The following GUCA1A variants were observed in gnomAD, a reference collection of about 807,000 sequenced individuals.
The protein encoded by GUCA1A is guanylyl cyclase-activating protein 1.
Under a neutral mutation model 18.5 loss-of-function variants are expected in GUCA1A, and 14 were observed. The ratio of observed to expected loss-of-function variants is 0.76; its 90% CI spans 0.50 to 1.18. The LOEUF is 1.18. Ranked by LOEUF, GUCA1A falls within the 50% of genes most tolerant of loss-of-function variation. The pLI, the probability that GUCA1A is intolerant of heterozygous loss-of-function variation, is 0.00. For missense variants in GUCA1A, 264 were observed against 262.4 expected (o/e 1.01, Z -0.04); for synonymous variants, 97 against 100.2 (o/e 0.97, Z 0.19).
chr6:42,176,255 A>G (rs556787049), intron 1 of GUCA1A, among the ~76,000 whole-genome samples: 1 of 152,324 alleles, frequency 6.6e-6, no homozygotes, highest in East Asian at 1.9e-4. Flanking sequence ...GCAAATATTA[A>G]AATGAAGAGT....
Position 42,174,221 on chromosome 6 carries a change from G to A in GUCA1A, c.201+407G>A, listed in dbSNP as rs1164806912. On this transcript the variant is annotated intron_variant, in intron 1 of 3. Coordinates refer to ENST00000372958, the MANE Select transcript of GUCA1A (RefSeq NM_001384910.1). ...TCCAAGATGGTCATTGAACACCTGC[G>A]ATGTGCTGGTCCTATACGTGGTGCT... Among the ~76,000 whole-genome samples, 4 of 152,318 alleles carry A rather than the reference G, an allele frequency of 2.6e-5. No individual in the cohort carries two copies. In the East Asian group the frequency reaches 7.7e-4, roughly 29 times the overall value.
chr6:42,175,854 G>T (rs1049599468), intron 1 of GUCA1A, among the ~76,000 whole-genome samples: 2 of 152,002 alleles, frequency 1.3e-5, no homozygotes, highest in Admixed American at 6.6e-5. Context: ...AATTCTGCTC[G>T]GCTTACACCT....
At position 42,178,907 on chromosome 6, in the gene GUCA1A, G is replaced by T; in HGVS notation, c.445+12G>T. 6.3e-7 allele frequency: 1 copy of T among 1,588,708 alleles called. No individual in the cohort carries two copies. Among genetic ancestry groups the T allele is most frequent in the Non-Finnish European group, 8.6e-7 (1 of 1,156,740 alleles). ...CGTCAACGGGGATGGTGAGGGGGCC[G>T]AGGAGGGGCTCCCCAGCGGAGGGGT... On this transcript the variant is annotated intron_variant, in intron 3 of 3. Transcript: ENST00000372958.
At chr6:42,174,976 C>T (rs913594423) in intron 1 of GUCA1A, among the ~76,000 whole-genome samples, 1 of 152,190 alleles carries the variant, frequency 6.6e-6, no homozygotes, top group African/African-American at 2.4e-5. Context: ...GGATAAGGGA[C>T]CAAAGTAGAT....
At position 42,176,127 on chromosome 6, in the gene GUCA1A, AG is replaced by A. The variant is rs143643904; in HGVS notation, c.202-2152del. Reference sequence around the variant, plus strand: ...GTTCACTGTTGAATCCCTGGTTCCTAGAACAGTGCCTGGATTGTGGCAGGTG... The same window carrying A: ...GTTCACTGTTGAATCCCTGGTTCCTAAACAGTGCCTGGATTGTGGCAGGTG... On this transcript the variant is annotated intron_variant, in intron 1 of 3. Transcript: ENST00000372958. Among the ~76,000 whole-genome samples the A allele has an allele frequency of 2.9e-3, 435 of 152,334 alleles. 3 individuals are homozygous for A. The highest frequency in any genetic ancestry group is 0.01 in the African/African-American group (422 of 41,572).
intron 2 of GUCA1A, 24 bp downstream of exon 2, chr6:42,178,453 G>C (rs201360179): frequency 1.2e-6 from 2 of 1,606,352 alleles, no homozygotes; most frequent in South Asian, 2.2e-5. Context: ...GGCCAGGGCT[G>C]GGGGCAGCGG....
Position 42,173,701 on chromosome 6 carries a change from C to T in GUCA1A, c.88C>T (p.Pro30Ser), listed in dbSNP as rs761679697. 1 of 1,613,582 alleles carries T rather than the reference C, an allele frequency of 6.2e-7. No individual in the cohort carries two copies. The highest frequency in any genetic ancestry group is 1.1e-5 in the South Asian group (1 of 91,068). The change falls in exon 1 of 4, where the codon CCC becomes TCC. Residue 30 changes from proline to serine, a missense_variant. Physicochemically the swap from Pro to Ser is moderately conservative, Grantham distance 74 (BLOSUM62 -1). Transcript: ENST00000372958. ...QWYKKFMTEC[P>S]SGQLTLYEFR... Reference sequence around the variant, plus strand: ...GTACAAGAAGTTCATGACTGAGTGCCCCTCTGGCCAACTCACCCTCTATGA... The same window carrying T: ...GTACAAGAAGTTCATGACTGAGTGCTCCTCTGGCCAACTCACCCTCTATGA...
At chr6:42,178,920 C>G (rs1467855457) in intron 3 of GUCA1A, 25 bp downstream of exon 3, 1 of 1,537,912 alleles carries the variant, frequency 6.5e-7, no homozygotes. Context: ...GAGGGGCTCC[C>G]CAGCGGAGGG....
At position 42,179,439 on chromosome 6, in the gene GUCA1A, G is replaced by C; in HGVS notation, c.*36G>C. On this transcript the variant is annotated 3_prime_UTR_variant, in exon 4 of 4. Transcript: ENST00000372958. The stretch of plus-strand genomic sequence containing the variant: ...CGGCTGCTTCTGCACTAGCGGGTGG[G>C]GTGGTATGGTGGTGCCTGTTGGTGG... 1 of 1,494,818 alleles carries C rather than the reference G, an allele frequency of 6.7e-7. No individual in the cohort carries two copies. The highest frequency in any genetic ancestry group is 1.3e-5 in the South Asian group (1 of 78,340). 92.6% of individuals were successfully genotyped at this position (1,494,818 alleles called of 1,614,324 possible).
intron 3 of GUCA1A, 70 bp downstream of exon 3, chr6:42,178,965 G>A (rs1430676230): frequency 8.4e-7 from 1 of 1,194,618 alleles, no homozygotes; most frequent in African/African-American, 1.5e-5. Context: ...GGGGTGGAAG[G>A]TCACTAAAGG....
At chr6:42,179,098 T>A in intron 3 of GUCA1A, 145 bp from the exon 4 acceptor site, 1 of 909,114 alleles carries the variant, frequency 1.1e-6, no homozygotes, top group South Asian at 1.4e-5. Context: ...GGCTCTGGGT[T>A]CCTCTGCTTG....
chr6:42,173,734 C>T lies in GUCA1A; in HGVS notation c.121C>T (p.Gln41Ter), dbSNP rs1318921958. 2 of 1,614,138 alleles carry T rather than the reference C, an allele frequency of 1.2e-6. No homozygotes were observed. The highest frequency in any genetic ancestry group is 1.3e-5 in the African/African-American group (1 of 75,056). ...SGQLTLYEFR[Q>*]FFGLKNLSPS... ...CCAACTCACCCTCTATGAGTTCCGC[C>T]AGTTCTTCGGCCTCAAGAACCTGAG... Residue 41 changes from glutamine (Q) to a stop codon, truncating the protein, a stop_gained, in exon 1 of 4, where the codon CAG becomes TAG. Coordinates refer to ENST00000372958, the MANE Select transcript of GUCA1A (RefSeq NM_001384910.1). LOFTEE classifies it high-confidence loss of function.
In GUCA1A at chr6:42,173,450, C is replaced by T; in HGVS notation, c.-164C>T. ...CTTCCTTCTGCTCTCTCCCTCTCCA[C>T]ATTTCCCGGTACCATCTGATCCATC... On this transcript the variant is annotated 5_prime_UTR_variant, in exon 1 of 4. Coordinates refer to ENST00000372958, the MANE Select transcript of GUCA1A (RefSeq NM_001384910.1). The T allele has an allele frequency of 1.5e-6, 1 of 670,804 alleles. No homozygotes were observed. The highest frequency in any genetic ancestry group is 2.7e-6 in the Non-Finnish European group (1 of 369,598). 41.6% of individuals were successfully genotyped at this position (670,804 alleles called of 1,614,324 possible). A position where few individuals can be genotyped will look rare whatever the true frequency, so the allele number is the denominator to read the frequency against.
rs774100447 is a variant in GUCA1A, at chr6:42,178,413, T to A, written c.335T>A (p.Leu112Gln). 1.9e-6 allele frequency: 3 copies of A among 1,614,006 alleles called. No homozygotes were observed. The highest frequency in any genetic ancestry group is 1.7e-5 in the Admixed American group (1 of 60,020). The change falls in exon 2 of 4, where the codon CTG (leucine) becomes CAG (glutamine). Residue 112 changes from leucine to glutamine, a missense_variant. Transcript: ENST00000372958. ...DGNGCIDRDELLTIIQAIRAI... is the reference protein window; with the variant it reads ...DGNGCIDRDEQLTIIQAIRAI... Reference sequence around the variant, plus strand: ...AACGGCTGCATTGACCGCGATGAGCTGCTCACCATCATCCAGGTGCAGAGG... The same window carrying A: ...AACGGCTGCATTGACCGCGATGAGCAGCTCACCATCATCCAGGTGCAGAGG...
chr6:42,178,713 A>T, intron 2 of GUCA1A, 89 bp from the exon 3 acceptor site: 11 of 1,056,296 alleles, frequency 1.0e-5, no homozygotes, highest in Non-Finnish European at 1.6e-5. Flanking sequence ...TGCTCTTGGG[A>T]GCCGGACAAG....
intron 1 of GUCA1A, among the ~76,000 whole-genome samples, chr6:42,176,481 TG>T (rs1398847871): frequency 1.3e-5 from 2 of 152,208 alleles, no homozygotes; most frequent in Non-Finnish European, 2.9e-5. Context: ...TCACCCAGGC[TG>T]GAGTGCAATG....
Position 42,173,560 on chromosome 6 carries a change from A to G in GUCA1A, c.-54A>G, listed in dbSNP as rs1767864476. 2.8e-6 allele frequency: 4 copies of G among 1,434,324 alleles called. No homozygotes were observed. In the African/African-American group the frequency reaches 4.2e-5, roughly 15 times the overall value. The allele number at this position is 1,434,324 out of a possible 1,614,324, so 88.8% of individuals were successfully genotyped here. A position where few individuals can be genotyped will look rare whatever the true frequency, so the allele number is the denominator to read the frequency against. ...TCGGCCAAGACACCTTTGGGCGAGG[A>G]GCAGCGAACAGGGCCTGTCCATCTC... On this transcript the variant is annotated 5_prime_UTR_variant, in exon 1 of 4. Coordinates refer to ENST00000372958, the MANE Select transcript of GUCA1A (RefSeq NM_001384910.1).
At chr6:42,177,804 G>T (rs1252589511) in intron 1 of GUCA1A, among the ~76,000 whole-genome samples, 1 of 152,122 alleles carries the variant, frequency 6.6e-6, no homozygotes, top group African/African-American at 2.4e-5. Context: ...GGCCTTCCGG[G>T]GGCCTCAGCC....
chr6:42,176,131 C>G (rs894898577), intron 1 of GUCA1A, among the ~76,000 whole-genome samples: 3 of 152,188 alleles, frequency 2.0e-5, no homozygotes, highest in Non-Finnish European at 2.9e-5. Flanking sequence ...GTTCCTAGAA[C>G]AGTGCCTGGA....
Sources: gnomAD v4.1 joint callset for allele counts (sites outside exome capture counted in the v4.1 genomes callset) on GRCh38, gnomAD v4.1.1 for gene constraint, MANE v1.5 for transcripts, NCBI Gene and HGNC (gene_info 2026-07-23, HGNC 2026-07-21) for gene names.